The following PARD3 variants were observed in gnomAD, a reference collection of about 807,000 sequenced individuals.
PARD3 encodes par-3 family cell polarity regulator, also known as partitioning defective 3 homolog.
A neutral mutation model predicts 155.4 loss-of-function variants in PARD3; 75 were observed. That is an observed-to-expected ratio of 0.48 (90% confidence interval 0.40 to 0.58). PARD3 has a LOEUF of 0.58. Ranked by LOEUF, PARD3 falls within the 20% of genes least tolerant of loss-of-function variation. PARD3 has a pLI of 0.00. For synonymous variants in PARD3, 576 were observed against 610.5 expected (o/e 0.94, Z 0.83); for missense variants, 1,642 against 1,721.7 (o/e 0.95, Z 0.82).
At chr10:34,242,721 G>A (rs368124827) in intron 22 of PARD3, among the ~76,000 whole-genome samples, 1 of 152,090 alleles carries the variant, frequency 6.6e-6, no homozygotes, top group Admixed American at 6.5e-5. Context: ...ATCATTTGAG[G>A]TCAGGAGTTC....
chr10:34,645,560 C>T (rs1208538249), intron 2 of PARD3, among the ~76,000 whole-genome samples: 2 of 152,186 alleles, frequency 1.3e-5, no homozygotes, highest in Non-Finnish European at 2.9e-5. Flanking sequence ...GCTAAATTTA[C>T]TTGTAACCCT....
In PARD3 at chr10:34,360,020, G is replaced by T. The variant is rs1325284590; in HGVS notation, c.1896+51C>A. 5 of 1,408,436 alleles carry T rather than the reference G, an allele frequency of 3.6e-6. No individual in the cohort carries two copies. In the African/African-American group the frequency reaches 4.3e-5, roughly 12 times the overall value. 87.2% of individuals were successfully genotyped at this position (1,408,436 alleles called of 1,614,324 possible). A position where few individuals can be genotyped will look rare whatever the true frequency, so the allele number is the denominator to read the frequency against. On this transcript the variant is annotated intron_variant, in intron 13 of 24. Coordinates refer to ENST00000374788, the MANE Select transcript of PARD3 (RefSeq NM_001184785.2). The stretch of plus-strand genomic sequence containing the variant: ...ATGTTTCCAAAATAGGAACAGGGTT[G>T]AAATTAAAATTTTTGTTAATAGGCA...
At chr10:34,615,515 A>C (rs916209604) in intron 2 of PARD3, among the ~76,000 whole-genome samples, 1 of 152,182 alleles carries the variant, frequency 6.6e-6, no homozygotes, top group Non-Finnish European at 1.5e-5. Flanking sequence ...ACTACAAACA[A>C]ACACAGGAAA....
At chr10:34,693,495 T>C (rs1011623967) in intron 2 of PARD3, among the ~76,000 whole-genome samples, 3 of 152,030 alleles carry the variant, frequency 2.0e-5, no homozygotes, top group Non-Finnish European at 2.9e-5. Context: ...TGAACTAACA[T>C]GGGAAGAGAA....
chr10:34,495,179 A>C (rs1052735103), intron 3 of PARD3, among the ~76,000 whole-genome samples: 9 of 152,050 alleles, frequency 5.9e-5, no homozygotes, highest in Non-Finnish European at 1.3e-4. Flanking sequence ...AAGCAAAAAA[A>C]AAACAAACAA....
chr10:34,761,495 C>G (rs1010181016), intron 1 of PARD3, among the ~76,000 whole-genome samples: 1 of 152,030 alleles, frequency 6.6e-6, no homozygotes, highest in African/African-American at 2.4e-5. Context: ...TAGTTTAAAA[C>G]AAAACAAATC....
chr10:34,212,500 T>C (rs1407055198), intron 22 of PARD3, among the ~76,000 whole-genome samples: 1 of 152,222 alleles, frequency 6.6e-6, no homozygotes, highest in Non-Finnish European at 1.5e-5. Context: ...TGCTAGGCTA[T>C]GAGGGCACAG....
chr10:34,719,463 T>A (rs182193685), intron 1 of PARD3, among the ~76,000 whole-genome samples: 1 of 152,296 alleles, frequency 6.6e-6, no homozygotes, highest in African/African-American at 2.4e-5. Flanking sequence ...CATTCCTGAG[T>A]GCAGTGCAGC....
chr10:34,555,348 T>G (rs2084903001), intron 2 of PARD3, among the ~76,000 whole-genome samples: 1 of 152,196 alleles, frequency 6.6e-6, no homozygotes, highest in African/African-American at 2.4e-5. Context: ...ACGATCCCAT[T>G]CCATCTCAAC....
At chr10:34,116,366 C>T (rs560427476) in intron 24 of PARD3, among the ~76,000 whole-genome samples, 6 of 152,190 alleles carry the variant, frequency 3.9e-5, no homozygotes, top group African/African-American at 1.4e-4. Context: ...TAATGCCATA[C>T]CAACTTGTTT....
At chr10:34,684,822 CACACACACATATAT>C (rs2093920629) in intron 2 of PARD3, among the ~76,000 whole-genome samples, 7 of 109,826 alleles carry the variant, frequency 6.4e-5, no homozygotes, top group South Asian at 2.9e-4. Context: ...CACACACACA[CACACACACATATAT>C]ACACACACAC....
chr10:34,346,854 TAG>T (rs1446878188), intron 15 of PARD3, among the ~76,000 whole-genome samples: 1 of 152,192 alleles, frequency 6.6e-6, no homozygotes, highest in Non-Finnish European at 1.5e-5. Context: ...ACTAGAAAGC[TAG>T]AGAGATTAGA....
At chr10:34,674,342 T>G (rs1468478423) in intron 2 of PARD3, among the ~76,000 whole-genome samples, 2 of 152,146 alleles carry the variant, frequency 1.3e-5, no homozygotes, top group Admixed American at 6.5e-5. Context: ...GGTATAAACA[T>G]GACTGTAGAA....
chr10:34,513,405 C>T (rs901736848), intron 3 of PARD3, among the ~76,000 whole-genome samples: 16 of 152,220 alleles, frequency 1.1e-4, no homozygotes, highest in East Asian at 3.9e-4. Context: ...CTCAGCCTTC[C>T]GAGTAGCTGG....
At chr10:34,381,912 C>CAAAAAAAAAAAAA (rs202053812) in intron 9 of PARD3, among the ~76,000 whole-genome samples, 36 of 71,878 alleles carry the variant, frequency 5.0e-4, no homozygotes, top group African/African-American at 9.8e-4. Context: ...GGCCCTGTCT[C>CAAAAAAAAAAAAA]AAAAAAAAAA....
At chr10:34,609,097 A>G (rs1257456438) in intron 2 of PARD3, among the ~76,000 whole-genome samples, 1 of 152,206 alleles carries the variant, frequency 6.6e-6, no homozygotes, top group Non-Finnish European at 1.5e-5. Context: ...AGGAATGAAT[A>G]AGTCATTCAT....
intron 1 of PARD3, among the ~76,000 whole-genome samples, chr10:34,731,779 T>C (rs1276668963): frequency 1.3e-5 from 2 of 152,194 alleles, no homozygotes; most frequent in Admixed American, 1.3e-4. Flanking sequence ...CTTACCAAAA[T>C]CTTTATTTTT....
chr10:34,576,938 A>G (rs1343100519), intron 2 of PARD3, among the ~76,000 whole-genome samples: 2 of 152,122 alleles, frequency 1.3e-5, no homozygotes, highest in Non-Finnish European at 2.9e-5. Flanking sequence ...GTAAAACTCA[A>G]TTTTCTCCCC....
intron 22 of PARD3, among the ~76,000 whole-genome samples, chr10:34,185,717 G>C (rs1301890971): frequency 1.3e-5 from 2 of 151,700 alleles, no homozygotes; most frequent in Non-Finnish European, 2.9e-5. Flanking sequence ...CCTACTCGAG[G>C]CTTCATTTCT....
Sources: gnomAD v4.1 joint callset for allele counts (sites outside exome capture counted in the v4.1 genomes callset) on GRCh38, gnomAD v4.1.1 for gene constraint, MANE v1.5 for transcripts, NCBI Gene and HGNC (gene_info 2026-07-23, HGNC 2026-07-21) for gene names.